Variants in VCL observed in about 807,000 individuals in gnomAD.
The protein encoded by VCL is vinculin.
A neutral mutation model predicts 125.7 loss-of-function variants in VCL; 47 were observed. The ratio of observed to expected loss-of-function variants is 0.37; its 90% confidence interval spans 0.30 to 0.48. VCL has a LOEUF of 0.48. Ranked by LOEUF, VCL falls within the 20% of genes least tolerant of loss-of-function variation. VCL has a pLI of 0.99. For missense variants in VCL, 1,069 were observed against 1,455.5 expected (o/e 0.73, Z 4.32); for synonymous variants, 458 against 514.6 (o/e 0.89, Z 1.49).
chr10:74,114,499 G>A (rs1591720447), intron 20 of VCL, 112 bp downstream of exon 20: 2 of 1,340,730 alleles, frequency 1.5e-6, no homozygotes, highest in Non-Finnish European at 2.1e-6. Context: ...GAAAAACTAG[G>A]TAAGGGAGAA....
At chr10:74,089,961 G>T in intron 9 of VCL, 62 bp from the exon 10 acceptor site, 1 of 1,599,828 alleles carries the variant, frequency 6.3e-7, no homozygotes. Context: ...GCCTTGTTAA[G>T]TTTAGTAGAA....
chr10:74,093,309 A>G (rs1036860181), intron 10 of VCL, among the ~76,000 whole-genome samples: 1 of 152,010 alleles, frequency 6.6e-6, no homozygotes, highest in Non-Finnish European at 1.5e-5. Context: ...AACAAAACAA[A>G]CAAAAAAAAG....
chr10:74,099,851 A>G (rs1043210532), intron 13 of VCL, among the ~76,000 whole-genome samples: 14 of 152,162 alleles, frequency 9.2e-5, no homozygotes, highest in African/African-American at 3.4e-4. Context: ...AATGGCAGGA[A>G]CCCATGTAGT....
intron 1 of VCL, among the ~76,000 whole-genome samples, chr10:74,021,861 G>A (rs1404659466): frequency 6.6e-6 from 1 of 151,792 alleles, no homozygotes; most frequent in Non-Finnish European, 1.5e-5. Flanking sequence ...ATGTTCCGTT[G>A]ATCTTTCCTT....
At chr10:74,035,333 G>T (rs1840954408) in intron 1 of VCL, among the ~76,000 whole-genome samples, 1 of 151,326 alleles carries the variant, frequency 6.6e-6, no homozygotes, top group Admixed American at 6.6e-5. Flanking sequence ...GATGAAAGGA[G>T]TAATAATAAC....
intron 21 of VCL, among the ~76,000 whole-genome samples, chr10:74,116,705 T>C (rs1388235455): frequency 6.7e-6 from 1 of 148,714 alleles, no homozygotes; most frequent in Non-Finnish European, 1.5e-5. Context: ...AAAATAATAA[T>C]AAAATAAAAT....
chr10:74,061,607 A>G (rs1319647311), intron 2 of VCL, among the ~76,000 whole-genome samples: 1 of 152,214 alleles, frequency 6.6e-6, no homozygotes, highest in Non-Finnish European at 1.5e-5. Context: ...ATTTCTTTAA[A>G]TATTACCCTA....
chr10:74,049,372 G>A (rs923570752), intron 2 of VCL, among the ~76,000 whole-genome samples: 13 of 152,168 alleles, frequency 8.5e-5, no homozygotes, highest in African/African-American at 3.1e-4. Context: ...TATGATGGCA[G>A]AGCAAAAGTG....
intron 1 of VCL, among the ~76,000 whole-genome samples, chr10:74,041,958 A>C (rs969353946): frequency 1.3e-5 from 2 of 152,242 alleles, no homozygotes; most frequent in Non-Finnish European, 2.9e-5. Context: ...TGTGTTTTTA[A>C]ATTACAAAAA....
At chr10:74,060,520 G>C (rs2136264476) in intron 2 of VCL, among the ~76,000 whole-genome samples, 1 of 151,932 alleles carries the variant, frequency 6.6e-6, no homozygotes, top group East Asian at 1.9e-4. Context: ...GCTGGGCATA[G>C]TGGCGCATTC....
intron 1 of VCL, among the ~76,000 whole-genome samples, chr10:74,007,799 A>AT (rs1303827994): frequency 6.7e-6 from 1 of 149,654 alleles, no homozygotes; most frequent in Non-Finnish European, 1.5e-5. Context: ...CTCAGCCTAA[A>AT]TTTTTTTTTC....
intron 1 of VCL, among the ~76,000 whole-genome samples, chr10:74,016,201 T>C (rs1215899924): frequency 6.6e-6 from 1 of 152,214 alleles, no homozygotes. Flanking sequence ...GTTTTGATAG[T>C]CTCTTGTTCT....
intron 1 of VCL, among the ~76,000 whole-genome samples, chr10:74,039,546 G>T (rs1841054117): frequency 6.6e-6 from 1 of 151,870 alleles, no homozygotes; most frequent in Admixed American, 6.6e-5. Flanking sequence ...AGTTAGGTAG[G>T]CAAAGGCAGG....
In VCL at chr10:74,118,419, A is replaced by G. The variant is rs1164595821; in HGVS notation, c.*250A>G. The G allele has an allele frequency of 1.9e-6, 1 of 514,938 alleles. No individual in the cohort carries two copies. The highest frequency in any genetic ancestry group is 2.0e-5 in the South Asian group (1 of 49,740). 31.9% of individuals were successfully genotyped at this position (514,938 alleles called of 1,614,324 possible). A position where few individuals can be genotyped will look rare whatever the true frequency, so the allele number is the denominator to read the frequency against. ...ACACTTGTGCACCCTCTATCCCAAT[A>G]GGCAGACTGGGTTTCTAGCCCATGG... On this transcript the variant is annotated 3_prime_UTR_variant, in exon 22 of 22. Transcript: ENST00000211998.
At position 74,089,308 on chromosome 10, in the gene VCL, A is replaced by G; in HGVS notation, c.1135A>G (p.Asn379Asp). ...NAARKLEAMT[N>D]SKQSIAKKID... Reference sequence around the variant, plus strand: ...AGCTCGCAAGCTGGAAGCCATGACCAACTCAAAGCAGAGCATTGCAAAGAA... The same window carrying G: ...AGCTCGCAAGCTGGAAGCCATGACCGACTCAAAGCAGAGCATTGCAAAGAA... The change falls in exon 9 of 22, where the codon AAC becomes GAC. Residue 379 changes from asparagine (N) to aspartate (D), a missense_variant. Around this residue, in one of 6 missense-constraint regions of VCL, gnomAD observed 760 missense variants for 928.9 expected, o/e 0.82. Coordinates refer to ENST00000211998, the MANE Select transcript of VCL (RefSeq NM_014000.3). The G allele has an allele frequency of 6.2e-7, 1 of 1,614,212 alleles. No homozygotes were observed. The highest frequency in any genetic ancestry group is 1.3e-5 in the African/African-American group (1 of 75,056).
chr10:74,063,530 T>G (rs542975782), intron 2 of VCL, among the ~76,000 whole-genome samples: 2 of 152,278 alleles, frequency 1.3e-5, no homozygotes, highest in East Asian at 3.9e-4. Context: ...TACCTCCTTC[T>G]CTCCTGCTTC....
At position 73,998,142 on chromosome 10, in the gene VCL, C is replaced by T. The variant is rs533231503; in HGVS notation, c.-66C>T. The T allele has an allele frequency of 1.3e-6, 2 of 1,578,606 alleles. No individual in the cohort carries two copies. The highest frequency in any genetic ancestry group is 1.1e-5 in the South Asian group (1 of 87,388). On this transcript the variant is annotated 5_prime_UTR_variant, in exon 1 of 22. Transcript: ENST00000211998. ...GTCGCTGCACAGTCTGTCTCTTCGC[C>T]GGTTCCCGGCCCCGTGGATCCTACT...
chr10:74,072,671 A>G, intron 4 of VCL, 59 bp from the exon 5 acceptor site: 1 of 1,613,094 alleles, frequency 6.2e-7, no homozygotes, highest in South Asian at 1.1e-5. Context: ...TAGACTGAGA[A>G]AGCCAGACCC....
intron 1 of VCL, among the ~76,000 whole-genome samples, chr10:74,007,477 C>T (rs1385432942): frequency 6.6e-6 from 1 of 152,000 alleles, no homozygotes; most frequent in Non-Finnish European, 1.5e-5. Flanking sequence ...GGACAATATG[C>T]CTCTCCGGGT....
Sources: gnomAD v4.1 joint callset for allele counts (sites outside exome capture counted in the v4.1 genomes callset) on GRCh38, gnomAD v4.1.1 for gene constraint, gnomAD v4.1.1 regional missense constraint, MANE v1.5 for transcripts, NCBI Gene and HGNC (gene_info 2026-07-23, HGNC 2026-07-21) for gene names.